GUCY1A2: variants seen among roughly 807,000 people sequenced by gnomAD.
GUCY1A2 encodes the protein guanylate cyclase soluble subunit alpha-2.
GUCY1A2 carries 27 observed loss-of-function variants against 63.5 expected under a neutral mutation model. That is an observed-to-expected ratio of 0.43 (90% CI 0.31 to 0.59). The LOEUF is 0.59. Ranked by LOEUF, GUCY1A2 falls within the 20% of genes least tolerant of loss-of-function variation. The probability of loss-of-function intolerance (pLI) is 0.11; values close to 1 mark genes in which losing one functional copy is unlikely to be tolerated. For missense variants in GUCY1A2, 768 were observed against 913.3 expected, an observed-to-expected ratio of 0.84 and a Z score of 2.05; for synonymous variants, 364 against 343.5, an observed-to-expected ratio of 1.06 and a Z score of -0.66.
At chr11:106,711,531 C>T (rs1031006055) in intron 6 of GUCY1A2, among the ~76,000 whole-genome samples, 11 of 152,122 alleles carry the variant, frequency 7.2e-5, no homozygotes, top group Non-Finnish European at 1.3e-4. Flanking sequence ...ATTCAAGGAC[C>T]TGGTCCTTTT....
chr11:106,755,856 A>G (rs541732670), intron 6 of GUCY1A2, among the ~76,000 whole-genome samples: 9 of 152,262 alleles, frequency 5.9e-5, no homozygotes, highest in African/African-American at 2.2e-4. Flanking sequence ...ATAGATGCCT[A>G]TTAGGTCCAC....
At chr11:106,838,749 T>G (rs1399907026) in intron 4 of GUCY1A2, among the ~76,000 whole-genome samples, 1 of 152,088 alleles carries the variant, frequency 6.6e-6, no homozygotes, top group Non-Finnish European at 1.5e-5. Flanking sequence ...GAGCATTTTT[T>G]CATGTCTGTT....
intron 6 of GUCY1A2, among the ~76,000 whole-genome samples, chr11:106,741,494 AAGAAG>A (rs1863693395): frequency 1.7e-5 from 1 of 58,908 alleles, no homozygotes; most frequent in Non-Finnish European, 5.0e-5. Context: ...AAGGAGAAGG[AAGAAG>A]GAAAAGGAGA....
intron 6 of GUCY1A2, among the ~76,000 whole-genome samples, chr11:106,754,401 G>T (rs560993776): frequency 6.6e-6 from 1 of 152,250 alleles, no homozygotes; most frequent in South Asian, 2.1e-4. Flanking sequence ...TATTGAATAG[G>T]AGTGGTGAGA....
At position 106,676,161 on chromosome 11, in the gene GUCY1A2, G is replaced by C. The variant is rs1395317682; in HGVS notation, c.*11388C>G. The C allele has an allele frequency of 5.5e-6, 1 of 181,166 alleles. No individual in the cohort carries two copies. The highest frequency in any genetic ancestry group is 1.2e-5 in the Non-Finnish European group (1 of 84,920). 11.2% of individuals were successfully genotyped at this position (181,166 alleles called of 1,614,324 possible). On this transcript the variant is annotated 3_prime_UTR_variant, in exon 8 of 8. Transcript: ENST00000526355. ...AAAGAATACAATTTTAAGTTTGGGA[G>C]ATTATAAATTCTTTAAATCTTGTTC...
chr11:106,836,918 T>C (rs2087220), intron 4 of GUCY1A2, among the ~76,000 whole-genome samples: 48,337 of 151,796 alleles, frequency 0.32, 7,983 homozygotes, highest in East Asian at 0.47. Context: ...AGTTTTTTTA[T>C]AAATTTCAAC....
intron 5 of GUCY1A2, among the ~76,000 whole-genome samples, chr11:106,802,073 G>T (rs1858611660): frequency 6.6e-6 from 1 of 152,130 alleles, no homozygotes; most frequent in Non-Finnish European, 1.5e-5. Flanking sequence ...AGTATTTACA[G>T]CATTTCTACT....
intron 7 of GUCY1A2, among the ~76,000 whole-genome samples, chr11:106,696,060 C>T (rs1241149492): frequency 6.6e-6 from 1 of 152,144 alleles, no homozygotes; most frequent in Non-Finnish European, 1.5e-5. Context: ...TAGGTTCATA[C>T]TCTGCATACC....
At chr11:106,845,853 C>T (rs1170590255) in intron 4 of GUCY1A2, among the ~76,000 whole-genome samples, 1 of 151,576 alleles carries the variant, frequency 6.6e-6, no homozygotes, top group Non-Finnish European at 1.5e-5. Flanking sequence ...AAGTGTCACC[C>T]TACAGATAAC....
chr11:107,007,643 T>C (rs12290122), intron 1 of GUCY1A2, among the ~76,000 whole-genome samples: 10,540 of 152,238 alleles, frequency 0.069, 775 homozygotes, highest in African/African-American at 0.19. Context: ...ATAACACTTC[T>C]TCCTATTCCT....
chr11:106,796,175 T>C (rs1864756151), intron 5 of GUCY1A2, among the ~76,000 whole-genome samples: 1 of 152,212 alleles, frequency 6.6e-6, no homozygotes, highest in South Asian at 2.1e-4. Context: ...TCTTCCTCCA[T>C]CCCTTTATTT....
intron 3 of GUCY1A2, among the ~76,000 whole-genome samples, chr11:106,966,556 A>AT: frequency 6.6e-6 from 1 of 152,238 alleles, no homozygotes; most frequent in Non-Finnish European, 1.5e-5. Flanking sequence ...AATACAAAAT[A>AT]TTCAATAAAT....
At chr11:106,975,984 A>T in intron 3 of GUCY1A2, among the ~76,000 whole-genome samples, 1 of 152,232 alleles carries the variant, frequency 6.6e-6, no homozygotes. Context: ...CTAAGTAGGT[A>T]GAAATGCTCA....
At chr11:106,764,061 T>C (rs1418748266) in intron 6 of GUCY1A2, among the ~76,000 whole-genome samples, 1 of 152,116 alleles carries the variant, frequency 6.6e-6, no homozygotes, top group Non-Finnish European at 1.5e-5. Context: ...CAGAAGTGTA[T>C]ATTTCAATAT....
intron 6 of GUCY1A2, among the ~76,000 whole-genome samples, chr11:106,756,608 C>T (rs1403593420): frequency 1.3e-5 from 2 of 152,156 alleles, no homozygotes; most frequent in East Asian, 3.9e-4. Context: ...ACTTATGAAG[C>T]TTAGTTTGGC....
At chr11:106,756,792 T>G (rs1863982009) in intron 6 of GUCY1A2, among the ~76,000 whole-genome samples, 1 of 152,220 alleles carries the variant, frequency 6.6e-6, no homozygotes, top group Non-Finnish European at 1.5e-5. Flanking sequence ...TTTTCCTTCA[T>G]TTCAACCATG....
intron 7 of GUCY1A2, among the ~76,000 whole-genome samples, chr11:106,690,490 AGAG>A (rs1591231544): frequency 2.0e-5 from 3 of 152,190 alleles, no homozygotes; most frequent in Admixed American, 6.5e-5. Flanking sequence ...ATGGACACAT[AGAG>A]GAGAACAACA....
At chr11:106,857,611 T>C (rs1859454434) in intron 4 of GUCY1A2, among the ~76,000 whole-genome samples, 1 of 152,180 alleles carries the variant, frequency 6.6e-6, no homozygotes, top group Admixed American at 6.5e-5. Flanking sequence ...ATTCAGTTTT[T>C]TCGAGAACGT....
At chr11:106,932,671 C>T (rs1860619268) in intron 4 of GUCY1A2, among the ~76,000 whole-genome samples, 2 of 152,198 alleles carry the variant, frequency 1.3e-5, no homozygotes, top group South Asian at 4.1e-4. Flanking sequence ...CAAAGCAATC[C>T]TAAGCAAAAA....
Sources: allele counts gnomAD v4.1 joint callset (sites outside exome capture counted in the v4.1 genomes callset), GRCh38; gene constraint gnomAD v4.1.1; transcripts MANE v1.5; gene names NCBI Gene and HGNC (gene_info 2026-07-23, HGNC 2026-07-21).